Variants in GDAP1 observed in about 807,000 individuals in gnomAD.
GDAP1 encodes ganglioside-induced differentiation-associated protein 1.
In GDAP1, 34 loss-of-function variants were observed where a neutral mutation model predicts 40.1. The ratio of observed to expected loss-of-function variants is 0.85; its 90% CI spans 0.64 to 1.13. The LOEUF (loss-of-function observed/expected upper bound fraction) is 1.13, where lower values mean the gene tolerates loss of function less well. Among genes scored for constraint, GDAP1 ranks in the 50% most tolerant of loss-of-function variants. The pLI is 0.00. For synonymous variants in GDAP1, 170 were observed against 157.4 expected (o/e 1.08, Z -0.60); for missense variants, 374 against 433.7 (o/e 0.86, Z 1.22).
intron 2 of GDAP1, among the ~76,000 whole-genome samples, chr8:74,357,657 T>C (rs577995483): frequency 1.3e-5 from 2 of 152,356 alleles, no homozygotes; most frequent in African/African-American, 4.8e-5. Flanking sequence ...TTGTGCCAAC[T>C]TATTTGTTCT....
At chr8:74,381,775 A>G (rs1457729241) in intron 2 of GDAP1, among the ~76,000 whole-genome samples, 1 of 151,396 alleles carries the variant, frequency 6.6e-6, no homozygotes, top group Non-Finnish European at 1.5e-5. Flanking sequence ...AAAAAAAAAA[A>G]AAAGTAAGTA....
chr8:74,437,127 G>A (rs1386037025), intron 2 of GDAP1, among the ~76,000 whole-genome samples: 11 of 152,166 alleles, frequency 7.2e-5, no homozygotes, highest in Admixed American at 5.2e-4. Flanking sequence ...CAAATTATAC[G>A]TTCATGCCTC....
At chr8:74,393,944 C>T (rs1290699565) in intron 2 of GDAP1, among the ~76,000 whole-genome samples, 3 of 151,886 alleles carry the variant, frequency 2.0e-5, no homozygotes, top group Non-Finnish European at 4.4e-5. Context: ...CCTTTTTTCC[C>T]CTCATTCTTA....
At chr8:74,415,453 G>A (rs1381739214) in intron 2 of GDAP1, among the ~76,000 whole-genome samples, 1 of 150,064 alleles carries the variant, frequency 6.7e-6, no homozygotes, top group Non-Finnish European at 1.5e-5. Flanking sequence ...CAACACAGTA[G>A]CTTAACAGGA....
intron 2 of GDAP1, among the ~76,000 whole-genome samples, chr8:74,380,475 T>C (rs1343678238): frequency 6.7e-6 from 1 of 149,520 alleles, no homozygotes; most frequent in Non-Finnish European, 1.5e-5. Flanking sequence ...GCTTGCACAT[T>C]TAAAGACATA....
chr8:74,393,402 A>G (rs867485777), intron 2 of GDAP1, among the ~76,000 whole-genome samples: 5 of 152,224 alleles, frequency 3.3e-5, no homozygotes, highest in African/African-American at 7.2e-5. Flanking sequence ...GAATGATGGT[A>G]TAAGATATGA....
chr8:74,447,484 G>A (rs568096596), intron 2 of GDAP1, among the ~76,000 whole-genome samples: 21 of 152,166 alleles, frequency 1.4e-4, no homozygotes, highest in African/African-American at 4.1e-4. Flanking sequence ...CCGATGTGAC[G>A]CCACAAGTGG....
intron 2 of GDAP1, among the ~76,000 whole-genome samples, chr8:74,401,310 C>G (rs1810332509): frequency 6.7e-6 from 1 of 149,564 alleles, no homozygotes. Flanking sequence ...ATTTCATCTT[C>G]CATCACTGAT....
In GDAP1 at chr8:74,435,948, A is replaced by G. The variant is rs1005130375; in HGVS notation, c.166-52730A>G. 4.6e-5 allele frequency among the ~76,000 whole-genome samples: 7 copies of G among 152,372 alleles called. No homozygotes were observed. The South Asian group carries it at 1.4e-3, about 32-fold the overall frequency. On this transcript the variant is annotated intron_variant, in intron 2 of 2. Coordinates refer to the GDAP1 transcript ENST00000523640. ...ACATAAATGTTAATGAGTACAAATC[A>G]TTCCAAGCATGTCAAGAATAAGAAA... is the stretch of plus-strand genomic sequence containing the variant.
At chr8:74,442,639 C>G (rs1806176898) in intron 2 of GDAP1, among the ~76,000 whole-genome samples, 1 of 152,118 alleles carries the variant, frequency 6.6e-6, no homozygotes, top group Admixed American at 6.6e-5. Flanking sequence ...AAAAGACTTC[C>G]TTGAAACAGT....
chr8:74,477,059 T>C (rs1419297546), intron 2 of GDAP1, among the ~76,000 whole-genome samples: 2 of 152,230 alleles, frequency 1.3e-5, no homozygotes, highest in East Asian at 3.8e-4. Context: ...GATTGTTTCC[T>C]TATCTTGGTC....
chr8:74,418,360 CAG>C (rs1482303437), intron 2 of GDAP1, among the ~76,000 whole-genome samples: 1 of 152,144 alleles, frequency 6.6e-6, no homozygotes, highest in Non-Finnish European at 1.5e-5. Flanking sequence ...TTGAACAAAA[CAG>C]AGAGTCTAGG....
chr8:74,409,699 A>G (rs1371405102), intron 2 of GDAP1, among the ~76,000 whole-genome samples: 1 of 149,970 alleles, frequency 6.7e-6, no homozygotes, highest in Non-Finnish European at 1.5e-5. Flanking sequence ...CCCAGAGAGT[A>G]TCAAGGAATT....
At chr8:74,411,719 C>CAAA (rs34098737) in intron 2 of GDAP1, among the ~76,000 whole-genome samples, 7,434 of 138,980 alleles carry the variant, frequency 0.053, 398 homozygotes, top group East Asian at 0.1. Context: ...GTGTCTCTAC[C>CAAA]AAAAAAAAAA....
intron 2 of GDAP1, among the ~76,000 whole-genome samples, chr8:74,480,091 C>A (rs781483847): frequency 1.3e-5 from 2 of 150,344 alleles, no homozygotes; most frequent in Non-Finnish European, 2.9e-5. Flanking sequence ...CAGGTTCAAG[C>A]GATTCTCCTG....
Position 74,424,317 on chromosome 8 carries a change from G to A in GDAP1, c.166-64361G>A, listed in dbSNP as rs114806567. 5.7e-3 allele frequency among the ~76,000 whole-genome samples: 873 copies of A among 152,174 alleles called. 9 individuals carry two copies. The highest frequency in any genetic ancestry group is 0.019 in the African/African-American group (783 of 41,528). ...GTCAATCCACGCTGATTGAATCCAC[G>A]GATGTAGAACCCATGGATATGAAGG... On this transcript the variant is annotated intron_variant, in intron 2 of 2. Transcript: ENST00000523640.
chr8:74,366,655 C>A lies in GDAP1; in HGVS notation c.*2288C>A. 1 of 453,716 alleles carries A rather than the reference C, an allele frequency of 2.2e-6. No homozygotes were observed. The highest frequency in any genetic ancestry group is 1.6e-5 in the South Asian group (1 of 64,408). The allele number at this position is 453,716 out of a possible 1,614,324, so 28.1% of individuals were successfully genotyped here. On this transcript the variant is annotated 3_prime_UTR_variant, in exon 6 of 6. Transcript: ENST00000220822. ...CTAAAGTTATGTTGGCTTTTTGTGT[C>A]TTAACACACATAAATACTATTGTTA...
At chr8:74,482,983 T>C (rs988423306) in intron 2 of GDAP1, among the ~76,000 whole-genome samples, 1 of 152,130 alleles carries the variant, frequency 6.6e-6, no homozygotes, top group Admixed American at 6.5e-5. Context: ...GCTTGTGCCA[T>C]TTGCTGGCTG....
intron 2 of GDAP1, among the ~76,000 whole-genome samples, chr8:74,456,377 A>G (rs1053069962): frequency 2.0e-5 from 3 of 152,088 alleles, no homozygotes; most frequent in Middle Eastern, 3.4e-3. Context: ...GAAACATAGA[A>G]CAACTACTTA....
Sources: allele counts gnomAD v4.1 joint callset (sites outside exome capture counted in the v4.1 genomes callset), GRCh38; gene constraint gnomAD v4.1.1; transcripts MANE v1.5; gene names NCBI Gene and HGNC (gene_info 2026-07-23, HGNC 2026-07-21).